Variants in SPHKAP observed in about 807,000 individuals in gnomAD.
SPHKAP encodes SPHK1 interactor, AKAP domain containing.
A neutral mutation model predicts 137.5 loss-of-function variants in SPHKAP; 67 were observed. That is an observed-to-expected ratio of 0.49 (90% CI 0.40 to 0.60). The LOEUF is 0.60. Among genes scored for constraint, SPHKAP ranks in the 20% least tolerant of loss-of-function variants. The pLI is 0.00. For synonymous variants in SPHKAP, 813 were observed against 785.3 expected, an observed-to-expected ratio of 1.04 and a Z score of -0.59; for missense variants, 2,097 against 2,069.3, an observed-to-expected ratio of 1.01 and a Z score of -0.26.
At chr2:228,058,774 G>A (rs909565229) in intron 3 of SPHKAP, among the ~76,000 whole-genome samples, 7 of 152,164 alleles carry the variant, frequency 4.6e-5, no homozygotes, top group African/African-American at 1.7e-4. Flanking sequence ...AGAAGAATCT[G>A]CTTATTCACT....
At position 228,094,840 on chromosome 2, in the gene SPHKAP, A is replaced by G. The variant is rs553727827; in HGVS notation, c.246+13992T>C. Among the ~76,000 whole-genome samples, 17 of 152,314 alleles carry G rather than the reference A, an allele frequency of 1.1e-4. No individual in the cohort carries two copies. The East Asian group carries it at 3.3e-3, about 29-fold the overall frequency. On this transcript the variant is annotated intron_variant, in intron 3 of 11. Coordinates refer to ENST00000392056, the MANE Select transcript of SPHKAP (RefSeq NM_001142644.2). ...AATATATCTCGGAATTAGGTGCTGC[A>G]GAGGATTTTGGGAGAAAAAGATACC...
chr2:228,157,271 C>A (rs1284016132), intron 1 of SPHKAP, among the ~76,000 whole-genome samples: 1 of 152,060 alleles, frequency 6.6e-6, no homozygotes, highest in Non-Finnish European at 1.5e-5. Flanking sequence ...CTAATTTTGC[C>A]AAAGTCACAC....
At chr2:227,999,627 G>A (rs1179923356) in intron 7 of SPHKAP, among the ~76,000 whole-genome samples, 2 of 152,164 alleles carry the variant, frequency 1.3e-5, no homozygotes, top group African/African-American at 4.8e-5. Flanking sequence ...ATTAAAAAAT[G>A]AGTCTGTCAG....
rs112291929 is a variant in SPHKAP, at chr2:228,013,074, G to C, written c.4448+3332C>G. 9.2e-3 allele frequency among the ~76,000 whole-genome samples: 1,403 copies of C among 152,288 alleles called. 23 individuals carry two copies. Among genetic ancestry groups the C allele is most frequent in the African/African-American group, 0.031 (1,283 of 41,560 alleles). On this transcript the variant is annotated intron_variant, in intron 7 of 11. Transcript: ENST00000392056. Reference sequence around the variant, plus strand: ...AGTGCATATGCCACTTACCTTGTTTGTGTATAAGGGAGTAGAACTGTTTCA... The same window carrying C: ...AGTGCATATGCCACTTACCTTGTTTCTGTATAAGGGAGTAGAACTGTTTCA...
intron 7 of SPHKAP, among the ~76,000 whole-genome samples, chr2:227,997,061 C>G (rs1044724280): frequency 1.3e-5 from 2 of 152,166 alleles, no homozygotes; most frequent in Non-Finnish European, 2.9e-5. Flanking sequence ...TGTGCTTCAA[C>G]TAGTCATCCA....
chr2:228,002,392 C>T (rs1408614073), intron 7 of SPHKAP, among the ~76,000 whole-genome samples: 1 of 152,160 alleles, frequency 6.6e-6, no homozygotes, highest in Non-Finnish European at 1.5e-5. Flanking sequence ...CTGCTCATCT[C>T]CTTCACCCAC....
chr2:228,092,311 G>A (rs550016914), intron 3 of SPHKAP, among the ~76,000 whole-genome samples: 1 of 98,340 alleles, frequency 1.0e-5, no homozygotes. Context: ...ACACGTGTAT[G>A]TGTGTGTATA....
intron 1 of SPHKAP, among the ~76,000 whole-genome samples, chr2:228,167,512 T>A (rs1700454071): frequency 6.6e-6 from 1 of 152,158 alleles, no homozygotes; most frequent in Non-Finnish European, 1.5e-5. Context: ...ACACATTATA[T>A]GGGGCCAAGA....
intron 1 of SPHKAP, among the ~76,000 whole-genome samples, chr2:228,162,112 T>C (rs996979524): frequency 6.6e-6 from 1 of 152,220 alleles, no homozygotes; most frequent in Non-Finnish European, 1.5e-5. Context: ...CCTATACATA[T>C]TCTTTGCTAA....
chr2:228,180,877 A>G (rs1213052014), intron 1 of SPHKAP, among the ~76,000 whole-genome samples: 2 of 152,096 alleles, frequency 1.3e-5, no homozygotes, highest in Admixed American at 6.5e-5. Flanking sequence ...ACCCCGAAAA[A>G]CACGTTACTC....
intron 7 of SPHKAP, among the ~76,000 whole-genome samples, chr2:228,008,782 A>T (rs573086214): frequency 6.6e-6 from 1 of 151,844 alleles, no homozygotes; most frequent in African/African-American, 2.4e-5. Flanking sequence ...TTTGTCAAAG[A>T]TCCATTGACT....
chr2:228,136,863 C>G (rs1426754143), intron 1 of SPHKAP, among the ~76,000 whole-genome samples: 1 of 152,056 alleles, frequency 6.6e-6, no homozygotes, highest in Non-Finnish European at 1.5e-5. Context: ...GGTGTAATAT[C>G]CTCATGATAT....
At chr2:227,995,915 A>G in intron 7 of SPHKAP, 1 of 978,024 alleles carries the variant, frequency 1.0e-6, no homozygotes, top group Non-Finnish European at 1.2e-6. Context: ...ATCTCTTTCT[A>G]CTGACTCCCT....
intron 2 of SPHKAP, among the ~76,000 whole-genome samples, chr2:228,125,116 A>T (rs1418907145): frequency 6.6e-6 from 1 of 152,186 alleles, no homozygotes; most frequent in South Asian, 2.1e-4. Flanking sequence ...TTAACATGAC[A>T]TGAAAAGAGA....
chr2:228,070,629 T>C (rs1696976597), intron 3 of SPHKAP, among the ~76,000 whole-genome samples: 2 of 152,294 alleles, frequency 1.3e-5, no homozygotes, highest in South Asian at 4.1e-4. Flanking sequence ...TCTTTTATAA[T>C]ACATCGTCTT....
intron 7 of SPHKAP, among the ~76,000 whole-genome samples, chr2:227,997,319 G>T: frequency 6.6e-6 from 1 of 152,106 alleles, no homozygotes; most frequent in East Asian, 1.9e-4. Flanking sequence ...CTGACCAAAT[G>T]GTGGAGAAGT....
chr2:228,180,470 C>T (rs531638603), intron 1 of SPHKAP, among the ~76,000 whole-genome samples: 1 of 152,202 alleles, frequency 6.6e-6, no homozygotes, highest in South Asian at 2.1e-4. Flanking sequence ...GGTTTTGCTG[C>T]TCTCCAAGAA....
chr2:228,004,252 C>G (rs1407982271), intron 7 of SPHKAP, among the ~76,000 whole-genome samples: 1 of 152,074 alleles, frequency 6.6e-6, no homozygotes, highest in Admixed American at 6.6e-5. Flanking sequence ...TGTTATTGGT[C>G]TATTCAGAGA....
intron 3 of SPHKAP, among the ~76,000 whole-genome samples, chr2:228,068,785 A>G (rs1696911029): frequency 6.6e-6 from 1 of 152,198 alleles, no homozygotes; most frequent in Non-Finnish European, 1.5e-5. Flanking sequence ...CTTTTGTTTT[A>G]GCTCCCAGAC....
Sources: gnomAD v4.1 joint callset for allele counts (sites outside exome capture counted in the v4.1 genomes callset) on GRCh38, gnomAD v4.1.1 for gene constraint, MANE v1.5 for transcripts, NCBI Gene and HGNC (gene_info 2026-07-23, HGNC 2026-07-21) for gene names.